The following TRIP12 variants were observed in gnomAD, a reference collection of about 807,000 sequenced individuals.
The protein encoded by TRIP12 is E3 ubiquitin-protein ligase TRIP12.
In TRIP12, 25 loss-of-function variants were observed where a neutral mutation model predicts 244.2. The ratio of observed to expected loss-of-function variants is 0.10; its 90% CI spans 0.07 to 0.14. The LOEUF is 0.14. Ranked by LOEUF, TRIP12 falls within the 10% of genes least tolerant of loss-of-function variation. The pLI, the probability that TRIP12 is intolerant of heterozygous loss-of-function variation, is 1.00. For synonymous variants in TRIP12, 905 were observed against 873.1 expected (o/e 1.04, Z -0.64); for missense variants, 1,677 against 2,486.4 (o/e 0.67, Z 6.92).
At position 229,795,180 on chromosome 2, in the gene TRIP12, T is replaced by C; in HGVS notation, c.3967A>G (p.Ser1323Gly). Residue 1323 changes from serine (S) to glycine (G), a missense_variant and splice_region_variant, in exon 26 of 42, where the codon AGC becomes GGC. Transcript: ENST00000675903. ...DFPSGNGTGG[S>G]FSLNRGSQAL... The stretch of plus-strand genomic sequence containing the variant: ...GTATAGCCAGGCAATGGTCCTTACC[T>C]GCCTCCTGTCCCATTTCCACTAGGG... The C allele has an allele frequency of 6.2e-7, 1 of 1,613,680 alleles. No homozygotes were observed. Among genetic ancestry groups the C allele is most frequent in the Non-Finnish European group, 8.5e-7 (1 of 1,179,748 alleles).
intron 1 of TRIP12, among the ~76,000 whole-genome samples, chr2:229,886,875 C>T (rs143031080): frequency 1.3e-5 from 2 of 152,290 alleles, no homozygotes; most frequent in African/African-American, 4.8e-5. Flanking sequence ...GTATTCTGTG[C>T]TTAGCATGTA....
chr2:229,836,129 A>G (rs1308421453), intron 6 of TRIP12, among the ~76,000 whole-genome samples: 1 of 152,236 alleles, frequency 6.6e-6, no homozygotes, highest in Non-Finnish European at 1.5e-5. Context: ...AAACAATAGT[A>G]TCTGAAATAT....
intron 1 of TRIP12, among the ~76,000 whole-genome samples, chr2:229,880,474 T>A (rs2064602231): frequency 6.6e-6 from 1 of 152,240 alleles, no homozygotes; most frequent in Non-Finnish European, 1.5e-5. Flanking sequence ...AAACAGGCAC[T>A]ACACCTCAAG....
chr2:229,777,883 G>A (rs1216975030), intron 36 of TRIP12, among the ~76,000 whole-genome samples: 2 of 152,310 alleles, frequency 1.3e-5, no homozygotes, highest in African/African-American at 2.4e-5. Flanking sequence ...CATGAGAAGA[G>A]CACGGTGGCT....
At position 229,859,272 on chromosome 2, in the gene TRIP12, T is replaced by C. The variant is rs774101256; in HGVS notation, c.527A>G (p.His176Arg). Residue 176 changes from histidine (H) to arginine (R), a missense_variant, in exon 4 of 42, where the codon CAT (histidine) becomes CGT (arginine). His to Arg is a conservative substitution (Grantham distance 29, BLOSUM62 0). Transcript: ENST00000675903. ...GCCAGTGGCCCCACTCTTCCTGGTA[T>C]GAGCCTTGCTTGTTGATGGTGATTG... ...SAQSPSTSKA[H>R]TRKSGATGGS... 7 of 1,614,236 alleles carry C rather than the reference T, an allele frequency of 4.3e-6. No individual in the cohort carries two copies. The highest frequency in any genetic ancestry group is 1.7e-5 in the Admixed American group (1 of 60,032).
At chr2:229,906,728 A>AC (rs1278664529) in intron 1 of TRIP12, among the ~76,000 whole-genome samples, 1 of 151,706 alleles carries the variant, frequency 6.6e-6, no homozygotes, top group Non-Finnish European at 1.5e-5. Flanking sequence ...TCAAAACAAA[A>AC]AAAAAAAAAG....
chr2:229,771,162 T>C (rs2034165311), intron 39 of TRIP12, among the ~76,000 whole-genome samples: 1 of 152,242 alleles, frequency 6.6e-6, no homozygotes, highest in Admixed American at 6.5e-5. Context: ...AGTTAAGGAA[T>C]AAAGTCAAGC....
intron 1 of TRIP12, among the ~76,000 whole-genome samples, chr2:229,895,094 C>A (rs908557984): frequency 7.2e-5 from 11 of 152,218 alleles, no homozygotes; most frequent in Admixed American, 1.3e-4. Flanking sequence ...ATTATCAGAT[C>A]TTAAAATGCT....
At chr2:229,831,880 T>C (rs1214537043) in intron 6 of TRIP12, among the ~76,000 whole-genome samples, 1 of 121,500 alleles carries the variant, frequency 8.2e-6, no homozygotes, top group Non-Finnish European at 1.7e-5. Flanking sequence ...TTTTGTTTGT[T>C]TTTTGGGTTT....
In TRIP12 at chr2:229,778,660, A is replaced by G; in HGVS notation, c.5210-73T>C. The G allele has an allele frequency of 6.4e-7, 1 of 1,558,268 alleles. No individual in the cohort carries two copies. The highest frequency in any genetic ancestry group is 8.7e-7 in the Non-Finnish European group (1 of 1,153,250). On this transcript the variant is annotated intron_variant, in intron 35 of 41. Coordinates refer to ENST00000675903, the MANE Select transcript of TRIP12 (RefSeq NM_001348323.3). The surrounding 1 kb of genome is among the most constrained non-coding windows in gnomAD (Gnocchi z 4.1). ...AAAACAAAACCTGGTAACTAAGAACATTTAAGAAATTAAGCATTCTCAAAA... is the reference window on the plus strand; with the variant it reads ...AAAACAAAACCTGGTAACTAAGAACGTTTAAGAAATTAAGCATTCTCAAAA...
chr2:229,786,532 G>C (rs1023255409), intron 33 of TRIP12, among the ~76,000 whole-genome samples: 2 of 149,856 alleles, frequency 1.3e-5, no homozygotes, highest in Non-Finnish European at 3.0e-5. Flanking sequence ...CAAGTAGCTG[G>C]GATTACAGGC....
At chr2:229,864,207 T>C (rs867948301) in intron 2 of TRIP12, among the ~76,000 whole-genome samples, 1 of 152,282 alleles carries the variant, frequency 6.6e-6, no homozygotes. Context: ...AAAAATAAGA[T>C]GGGCCCAGAG....
intron 4 of TRIP12, among the ~76,000 whole-genome samples, chr2:229,855,266 TAAAAC>T (rs924451191): frequency 5.9e-5 from 9 of 152,048 alleles, no homozygotes; most frequent in African/African-American, 1.2e-4. Flanking sequence ...GACTCCATCT[TAAAAC>T]AAACAAACAA....
chr2:229,915,185 G>A (rs1453649096), intron 1 of TRIP12, among the ~76,000 whole-genome samples: 2 of 152,128 alleles, frequency 1.3e-5, no homozygotes, highest in Non-Finnish European at 2.9e-5. Flanking sequence ...CCGGGAGGCA[G>A]AGGTTACAAG....
intron 1 of TRIP12, among the ~76,000 whole-genome samples, chr2:229,909,193 T>C (rs916858324): frequency 6.6e-6 from 1 of 152,110 alleles, no homozygotes; most frequent in African/African-American, 2.4e-5. Context: ...TTATATATCT[T>C]TATAATCCTA....
chr2:229,814,154 A>C, intron 12 of TRIP12, 79 bp downstream of exon 12: 1 of 1,543,174 alleles, frequency 6.5e-7, no homozygotes, highest in Non-Finnish European at 8.9e-7. Flanking sequence ...AAAAACTGCA[A>C]TCAAGTAGCC....
rs181421696 is a variant in TRIP12 at position 229,860,461 on chromosome 2, G to A, written c.169C>T (p.Pro57Ser). 29 of 1,611,994 alleles carry A rather than the reference G, an allele frequency of 1.8e-5. No individual in the cohort carries two copies. In the East Asian group the frequency reaches 6.5e-4, roughly 36 times the overall value. The change falls in exon 3 of 42, where the codon CCC (proline) becomes TCC (serine). Residue 57 changes from proline (P) to serine (S), a missense_variant. Transcript: ENST00000675903. Reference protein sequence around the residue: ...PESRKSNSKAPKVQSNTTSEL... With the variant: ...PESRKSNSKASKVQSNTTSEL... ...GAAGTAGTATTAGACTGCACTTTGGGTGCCTTAGAATTAGATTTTCTACTC... is the reference window on the plus strand; with the variant it reads ...GAAGTAGTATTAGACTGCACTTTGGATGCCTTAGAATTAGATTTTCTACTC...
At chr2:229,769,466 AAAAAT>A in intron 39 of TRIP12, 141 bp from the exon 40 acceptor site, 2 of 416,096 alleles carry the variant, frequency 4.8e-6, no homozygotes, top group Non-Finnish European at 8.1e-6. Flanking sequence ...CCAAAAAAAA[AAAAAT>A]AATAATAAAA....
rs188701658 is a variant in TRIP12 at position 229,839,628 on chromosome 2, G to A, written c.1133+1194C>T. ...CGGGAGGCAGAGTTTGCAGTGAGCCGAGATTGTGCCATTGCACTCCAGCCT... is the reference window on the plus strand; with the variant it reads ...CGGGAGGCAGAGTTTGCAGTGAGCCAAGATTGTGCCATTGCACTCCAGCCT... On this transcript the variant is annotated intron_variant, in intron 5 of 41. Transcript: ENST00000675903. 3.7e-3 allele frequency among the ~76,000 whole-genome samples: 555 copies of A among 151,520 alleles called. 4 individuals are homozygous for A. Among genetic ancestry groups the A allele is most frequent in the African/African-American group, 0.013 (529 of 41,292 alleles).
Sources: gnomAD v4.1 joint callset for allele counts (sites outside exome capture counted in the v4.1 genomes callset) on GRCh38, gnomAD v4.1.1 for gene constraint, Gnocchi (gnomAD v3.1) non-coding constraint, MANE v1.5 for transcripts, NCBI Gene and HGNC (gene_info 2026-07-23, HGNC 2026-07-21) for gene names.